WAS: variants seen among roughly 807,000 people sequenced by gnomAD.
WAS encodes WASP actin nucleation promoting factor.
Under a neutral mutation model 38.9 loss-of-function variants are expected in WAS, and 1 was observed. The ratio of observed to expected loss-of-function variants is 0.03; its 90% CI spans 0.01 to 0.12. The LOEUF is 0.12. WAS is among the 10% of genes least tolerant of loss of function. The pLI, the probability that WAS is intolerant of heterozygous loss-of-function variation, is 1.00. For synonymous variants in WAS, 182 were observed against 173.6 expected (o/e 1.05, Z -0.38); for missense variants, 311 against 431.2 (o/e 0.72, Z 2.47).
upstream of WAS, among the ~76,000 whole-genome samples, chrX:48,681,352 G>A (rs1353358726): frequency 2.7e-5 from 3 of 111,337 alleles, no homozygotes; most frequent in Admixed American, 2.9e-4. Flanking sequence ...TGTATTTTTA[G>A]TAGAGACGGG....
At chrX:48,680,986 AC>A (rs2062399473), upstream of WAS, among the ~76,000 whole-genome samples, 2 of 111,896 alleles carry the variant, frequency 1.8e-5, no homozygotes, top group South Asian at 7.4e-4. Context: ...AATAAAAGAC[AC>A]AAAGGAGCAG....
chrX:48,678,632 T>C (rs2062395355), intron 1 of WAS, among the ~76,000 whole-genome samples: 1 of 111,288 alleles, frequency 9.0e-6, no homozygotes, highest in Non-Finnish European at 1.9e-5. Context: ...GTGAACTGGC[T>C]TGCATTAGAC....
upstream of WAS, among the ~76,000 whole-genome samples, chrX:48,681,244 C>T (rs368930038): frequency 9.0e-6 from 1 of 111,649 alleles, no homozygotes; most frequent in East Asian, 2.8e-4. Context: ...GATCTCGGCT[C>T]ACTGCAACCT....
rs2062412510 is a variant in WAS at position 48,684,347 on chromosome X, A to G, written c.197A>G (p.Lys66Arg). The G allele has an allele frequency of 1.7e-6, 2 of 1,209,972 alleles. No homozygotes were observed. Among genetic ancestry groups the G allele is most frequent in the Non-Finnish European group, 2.2e-6 (2 of 895,230 alleles). The change falls in exon 2 of 12, where the codon AAG becomes AGG. Residue 66 changes from lysine (K) to arginine (R), a missense_variant. Coordinates refer to ENST00000376701, the MANE Select transcript of WAS (RefSeq NM_000377.3). Reference protein sequence around the residue: ...ALPPGAEHWTKEHCGAVCFVK... With the variant: ...ALPPGAEHWTREHCGAVCFVK... ...CCCCCTGGAGCTGAGCACTGGACCAAGGAGCATTGTGGGGCTGTGTGCTTC... is the reference window on the plus strand; with the variant it reads ...CCCCCTGGAGCTGAGCACTGGACCAGGGAGCATTGTGGGGCTGTGTGCTTC...
chrX:48,683,717 A>AGG (rs2062409601), upstream of WAS: 5 of 979,044 alleles, frequency 5.1e-6, no homozygotes, highest in Admixed American at 1.1e-4. Flanking sequence ...AGGCCCACCA[A>AGG]GGGGCCCCTG....
chrX:48,686,262 G>A (rs2062419721), intron 6 of WAS, 128 bp downstream of exon 6: 9 of 781,740 alleles, frequency 1.2e-5, no homozygotes, highest in Non-Finnish European at 1.7e-5. Context: ...TGGACGAGCA[G>A]GTGCATGGAT....
At chrX:48,685,669 G>T (rs371506803) in intron 3 of WAS, 36 bp downstream of exon 3, 134 of 1,172,338 alleles carry the variant, frequency 1.1e-4, no homozygotes, top group Non-Finnish European at 1.5e-4. Context: ...CTCACTTGGG[G>T]TGTGGAGAGG....
At position 48,684,366 on chromosome X, in the gene WAS, G is replaced by A; in HGVS notation, c.216G>A (p.Val72=). 8.3e-7 allele frequency: 1 copy of A among 1,211,682 alleles called. No individual in the cohort carries two copies. The change falls in exon 2 of 12, where the codon GTG becomes GTA. Residue 72 remains valine, a synonymous_variant. Transcript: ENST00000376701. ...EHWTKEHCGA[V]CFVKDNPQKS... is the part of the protein sequence containing the mutation. ...GGACCAAGGAGCATTGTGGGGCTGT[G>A]TGCTTCGTGAAGGATAACCCCCAGA...
At chrX:48,688,574 G>A (rs1166970883) in intron 9 of WAS, 86 bp from the exon 10 acceptor site, 3 of 1,191,125 alleles carry the variant, frequency 2.5e-6, no homozygotes, top group Admixed American at 2.2e-5. Flanking sequence ...GTTGGTCAGT[G>A]GGGGTACCCA....
chrX:48,677,112 A>G (rs1557005303), intron 1 of WAS, among the ~76,000 whole-genome samples: 1 of 111,207 alleles, frequency 9.0e-6, no homozygotes, highest in African/African-American at 3.3e-5. Context: ...TGACTGGGCC[A>G]GGGTTTTCCT....
At chrX:48,683,694 T>C (rs1318041275), upstream of WAS, 1 of 782,989 alleles carries the variant, frequency 1.3e-6, no homozygotes, top group Non-Finnish European at 1.8e-6. Flanking sequence ...AAGCTCAGCC[T>C]AACGAGGAGG....
Position 48,683,931 on chromosome X carries a change from C to T in WAS, c.78C>T (p.Leu26=). The T allele has an allele frequency of 1.7e-6, 2 of 1,211,554 alleles. No individual in the cohort carries two copies. The highest frequency in any genetic ancestry group is 2.2e-6 in the Non-Finnish European group (2 of 895,426). ...PAVQQNIPST[L]LQDHENQRLF... is the part of the protein sequence containing the mutation. ...TTCAGCAGAACATACCCTCCACCCT[C>T]CTCCAGGACCACGAGAACCAGCGAC... The change falls in exon 1 of 12, where the codon CTC becomes CTT. Residue 26 remains leucine (L), a synonymous_variant. Transcript: ENST00000376701.
At chrX:48,678,741 G>T (rs1557005446) in intron 1 of WAS, among the ~76,000 whole-genome samples, 1 of 111,587 alleles carries the variant, frequency 9.0e-6, no homozygotes. Flanking sequence ...TATCTTTGAG[G>T]TCATCACCTC....
In WAS at chrX:48,688,354, G is replaced by A; in HGVS notation, c.832G>A (p.Glu278Lys). The A allele has an allele frequency of 8.3e-7, 1 of 1,209,435 alleles. No homozygotes were observed. Among genetic ancestry groups the A allele is most frequent in the Non-Finnish European group, 1.1e-6 (1 of 894,426 alleles). ...TCTGTTCTCCAGGGCAGGAATCAGCGAGGCCCAGCTCACCGACGCCGAGAC... is the reference window on the plus strand; with the variant it reads ...TCTGTTCTCCAGGGCAGGAATCAGCAAGGCCCAGCTCACCGACGCCGAGAC... The part of the protein sequence containing the change: ...RSLFSRAGIS[E>K]AQLTDAETSK... Residue 278 changes from glutamate (E) to lysine (K), a missense_variant, in exon 9 of 12, where the codon GAG becomes AAG. Glu to Lys is a moderately conservative substitution (Grantham distance 56). Transcript: ENST00000376701.
Position 48,688,981 on chromosome X carries a change from C to T in WAS, c.1253C>T (p.Ala418Val), listed in dbSNP as rs781903491. The change falls in exon 10 of 12, where the codon GCT (alanine) becomes GTT (valine). Residue 418 changes from alanine (A) to valine (V), a missense_variant. Ala to Val is a moderately conservative substitution (Grantham distance 64). Coordinates refer to ENST00000376701, the MANE Select transcript of WAS (RefSeq NM_000377.3). ...NGPAPPPLPP[A>V]LVPAGGLAPG... The stretch of plus-strand genomic sequence containing the variant: ...CCAGCCCCTCCCCCACTCCCTCCTG[C>T]TCTGGTGCCTGCCGGGGGCCTGGCC... 6.0e-5 allele frequency: 71 copies of T among 1,190,543 alleles called. No individual in the cohort carries two copies. The Middle Eastern group carries it at 7.2e-4, about 12-fold the overall frequency.
intron 1 of WAS, among the ~76,000 whole-genome samples, chrX:48,677,404 T>C (rs1035204345): frequency 3.6e-5 from 4 of 111,723 alleles, no homozygotes; most frequent in African/African-American, 1.3e-4. Context: ...ACTCAGCTAT[T>C]TCATAGAAAC....
chrX:48,686,054 A>G (rs1557006644), intron 5 of WAS, 27 bp from the exon 6 acceptor site: 1 of 1,209,926 alleles, frequency 8.3e-7, no homozygotes, highest in South Asian at 1.8e-5. Flanking sequence ...GGGCTGTGAT[A>G]ACTCTCTACA....
intron 10 of WAS, 103 bp downstream of exon 10, chrX:48,689,169 G>A: frequency 1.0e-6 from 1 of 996,014 alleles, no homozygotes; most frequent in Admixed American, 2.5e-5. Flanking sequence ...AGAGTGCCAG[G>A]CCTTAGGGAT....
intron 11 of WAS, among the ~76,000 whole-genome samples, chrX:48,689,815 T>G (rs2062434074): frequency 9.2e-6 from 1 of 108,729 alleles, no homozygotes; most frequent in Non-Finnish European, 1.9e-5. Context: ...GGCAATATAG[T>G]GAGACCTCGT....
Sources: allele counts gnomAD v4.1 joint callset (sites outside exome capture counted in the v4.1 genomes callset), GRCh38; gene constraint gnomAD v4.1.1; transcripts MANE v1.5; gene names NCBI Gene and HGNC (gene_info 2026-07-23, HGNC 2026-07-21).